Variants in CEP78 observed in about 807,000 individuals in gnomAD.
The protein encoded by CEP78 is centrosomal protein 78, also known as centrosomal protein of 78 kDa.
A neutral mutation model predicts 81.2 loss-of-function variants in CEP78; 76 were observed. The observed-to-expected ratio is 0.94, with a 90% CI of 0.78 to 1.13. The LOEUF is 1.13. Ranked by LOEUF, CEP78 falls within the 50% of genes most tolerant of loss-of-function variation. The pLI is 0.00. For missense variants in CEP78, 918 were observed against 846.8 expected (o/e 1.08, Z -1.04); for synonymous variants, 293 against 301.4 (o/e 0.97, Z 0.29).
chr9:78,263,471 A>C (rs1827370314), intron 12 of CEP78, among the ~76,000 whole-genome samples: 1 of 152,204 alleles, frequency 6.6e-6, no homozygotes, highest in South Asian at 2.1e-4. Context: ...AGAAAGTTCT[A>C]CATAACTATA....
chr9:78,256,494 C>G (rs1272198813), intron 11 of CEP78, among the ~76,000 whole-genome samples: 2 of 150,154 alleles, frequency 1.3e-5, no homozygotes, highest in Non-Finnish European at 3.0e-5. Context: ...AGAAGCTAGT[C>G]ATCAGCTCCC....
At chr9:78,255,079 C>T (rs1587586841) in intron 11 of CEP78, 115 bp downstream of exon 11, 1 of 741,474 alleles carries the variant, frequency 1.3e-6, no homozygotes, top group Non-Finnish European at 2.1e-6. Context: ...TTTTCGCCTT[C>T]CTTCTATCTC....
At chr9:78,268,705 T>A (rs1039604074) in intron 16 of CEP78, among the ~76,000 whole-genome samples, 2 of 145,044 alleles carry the variant, frequency 1.4e-5, no homozygotes, top group African/African-American at 5.1e-5. Flanking sequence ...TTTTTTGAGA[T>A]GGAGTCTTGC....
rs1410563903 is a variant in CEP78 at position 78,236,139 on chromosome 9, G to A, written c.-212G>A. 1.8e-6 allele frequency: 1 copy of A among 552,632 alleles called. No individual in the cohort carries two copies. Among genetic ancestry groups the A allele is most frequent in the Non-Finnish European group, 3.2e-6 (1 of 317,096 alleles). The allele number at this position is 552,632 out of a possible 1,614,324, so 34.2% of individuals were successfully genotyped here. On this transcript the variant is annotated 5_prime_UTR_variant, in exon 1 of 17. Transcript: ENST00000643273. ...GCCAACTGCTTGGGCCGCAGGGCGG[G>A]AGGCAGCGCGGGAGTGGGGCGTTGA...
intron 6 of CEP78, 25 bp downstream of exon 6, chr9:78,246,807 T>G: frequency 7.6e-7 from 1 of 1,307,482 alleles, no homozygotes; most frequent in Non-Finnish European, 1.1e-6. Flanking sequence ...TATTTTTTAT[T>G]GACTAACAAA....
chr9:78,239,021 G>A lies in CEP78; in HGVS notation c.254-1002G>A, dbSNP rs532189958. 2.6e-5 allele frequency among the ~76,000 whole-genome samples: 4 copies of A among 151,740 alleles called. No individual in the cohort carries two copies. In the East Asian group the frequency reaches 7.7e-4, roughly 29 times the overall value. On this transcript the variant is annotated intron_variant, in intron 1 of 16. Transcript: ENST00000643273. Reference sequence around the variant, plus strand: ...CCCCCTACAAAAAATAAAAAAACCAGGAACCAAAATAAATTAAAGATGGGA... The same window carrying A: ...CCCCCTACAAAAAATAAAAAAACCAAGAACCAAAATAAATTAAAGATGGGA...
At position 78,251,999 on chromosome 9, in the gene CEP78, T is replaced by C. The variant is rs1263426280; in HGVS notation, c.1161T>C (p.Ser387=). The change falls in exon 9 of 17, where the codon TCT becomes TCC. Residue 387 remains serine, a synonymous_variant. Transcript: ENST00000643273. ...YAPAPLPPGV[S]GFLPWRTAER... ...CCGCACCTCTTCCACCTGGTGTGTC[T>C]GGTTTCTTGCCGTGGCGTACTGCAG... The C allele has an allele frequency of 3.7e-6, 6 of 1,606,166 alleles. No homozygotes were observed. The highest frequency in any genetic ancestry group is 1.7e-5 in the Admixed American group (1 of 59,790).
intron 8 of CEP78, chr9:78,249,354 C>T (rs1826649676): frequency 6.6e-6 from 1 of 152,106 alleles, no homozygotes; most frequent in Non-Finnish European, 1.5e-5. Flanking sequence ...TAGGTAGCAC[C>T]TTGCTTCTTT....
chr9:78,253,638 G>GTA (rs977478716), intron 10 of CEP78: 9 of 174,034 alleles, frequency 5.2e-5, no homozygotes, highest in Non-Finnish European at 9.9e-5. Context: ...TATTTTATAT[G>GTA]TATATATATA....
At chr9:78,266,865 A>G (rs981248793) in intron 16 of CEP78, 162 bp downstream of exon 16, 8 of 1,440,176 alleles carry the variant, frequency 5.6e-6, no homozygotes, top group Non-Finnish European at 7.3e-6. Context: ...CGTTTCTGTC[A>G]AGAAAGAAAA....
chr9:78,243,795 T>C (rs898445507), intron 5 of CEP78, among the ~76,000 whole-genome samples, 159 bp downstream of exon 5: 5 of 149,556 alleles, frequency 3.3e-5, no homozygotes, highest in African/African-American at 9.8e-5. Context: ...GTTATATATA[T>C]TCTTTATAGA....
rs143060102 is a variant in CEP78 at position 78,274,607 on chromosome 9, C to G, written c.*3756C>G. On this transcript the variant is annotated 3_prime_UTR_variant, in exon 17 of 17. Transcript: ENST00000643273. ...ATACAAAGTATATTCTCCTGGAAAACCAATAGAACATTCATATAAATGATT... is the reference window on the plus strand; with the variant it reads ...ATACAAAGTATATTCTCCTGGAAAAGCAATAGAACATTCATATAAATGATT... The G allele has an allele frequency of 1.3e-5, 2 of 152,036 alleles. No homozygotes were observed. The highest frequency in any genetic ancestry group is 2.9e-5 in the Non-Finnish European group (2 of 67,978). 9.4% of individuals were successfully genotyped at this position (152,036 alleles called of 1,614,324 possible).
intron 16 of CEP78, among the ~76,000 whole-genome samples, chr9:78,269,611 A>G (rs1223457731): frequency 6.6e-6 from 1 of 152,214 alleles, no homozygotes; most frequent in African/African-American, 2.4e-5. Flanking sequence ...GGCAGAGAAT[A>G]AGTGTCCACG....
At chr9:78,238,458 C>G (rs961923182) in intron 1 of CEP78, among the ~76,000 whole-genome samples, 3 of 152,080 alleles carry the variant, frequency 2.0e-5, no homozygotes, top group South Asian at 2.1e-4. Flanking sequence ...CAAAGAAGAT[C>G]CAGATAATTG....
intron 1 of CEP78, among the ~76,000 whole-genome samples, chr9:78,238,168 G>C (rs574739523): frequency 6.6e-6 from 1 of 151,834 alleles, no homozygotes; most frequent in African/African-American, 2.4e-5. Context: ...ATATCTAAGA[G>C]AATGGATGGG....
At chr9:78,239,877 T>C in intron 1 of CEP78, 146 bp from the exon 2 acceptor site, 1 of 614,070 alleles carries the variant, frequency 1.6e-6, no homozygotes, top group Admixed American at 3.6e-5. Flanking sequence ...GTTTGGTATA[T>C]CCCATGTGGC....
intron 16 of CEP78, 143 bp downstream of exon 16, chr9:78,266,846 G>A: frequency 1.4e-6 from 2 of 1,447,464 alleles, no homozygotes; most frequent in Non-Finnish European, 1.8e-6. Flanking sequence ...GTAGGTCTTT[G>A]AAAAAATACG....
At chr9:78,260,762 G>A (rs568716119) in intron 11 of CEP78, among the ~76,000 whole-genome samples, 1 of 151,384 alleles carries the variant, frequency 6.6e-6, no homozygotes, top group African/African-American at 2.4e-5. Context: ...GTGTTAAATG[G>A]AAGAATGTCT....
chr9:78,255,629 T>C (rs913853926), intron 11 of CEP78, among the ~76,000 whole-genome samples: 2 of 152,152 alleles, frequency 1.3e-5, no homozygotes, highest in East Asian at 3.8e-4. Context: ...TTTCAAAAAA[T>C]GAAGCCTGAT....
Sources: allele counts gnomAD v4.1 joint callset (sites outside exome capture counted in the v4.1 genomes callset), GRCh38; gene constraint gnomAD v4.1.1; transcripts MANE v1.5; gene names NCBI Gene and HGNC (gene_info 2026-07-23, HGNC 2026-07-21).